TUSC3: variants seen among roughly 807,000 people sequenced by gnomAD.
TUSC3 encodes dolichyl-diphosphooligosaccharide--protein glycosyltransferase subunit TUSC3.
A neutral mutation model predicts 44.8 loss-of-function variants in TUSC3; 45 were observed. That is an observed-to-expected ratio of 1.00 (90% CI 0.79 to 1.29). The LOEUF (loss-of-function observed/expected upper bound fraction) is 1.29, where lower values mean the gene tolerates loss of function less well. Among genes scored for constraint, TUSC3 ranks in the 50% most tolerant of loss-of-function variants. TUSC3 has a pLI of 0.00. For synonymous variants in TUSC3, 212 were observed against 152.9 expected, an observed-to-expected ratio of 1.39 and a Z score of -2.85; for missense variants, 519 against 437.9, an observed-to-expected ratio of 1.19 and a Z score of -1.65.
chr8:15,508,007 C>T (rs1322651331), intron 2 of TUSC3, among the ~76,000 whole-genome samples: 1 of 152,052 alleles, frequency 6.6e-6, no homozygotes, highest in Non-Finnish European at 1.5e-5. Flanking sequence ...TTTGGGAGGC[C>T]GAAGTGGGTG....
At chr8:15,514,950 T>G (rs943591350) in intron 2 of TUSC3, among the ~76,000 whole-genome samples, 2 of 152,208 alleles carry the variant, frequency 1.3e-5, no homozygotes, top group South Asian at 2.1e-4. Flanking sequence ...TACTGTAGGT[T>G]CAATGCCTGA....
chr8:15,541,353 CA>C (rs1219769114), intron 1 of TUSC3, among the ~76,000 whole-genome samples: 1 of 152,112 alleles, frequency 6.6e-6, no homozygotes, highest in African/African-American at 2.4e-5. Flanking sequence ...GCTGCTTCAG[CA>C]AAAATAGTTA....
intron 2 of TUSC3, among the ~76,000 whole-genome samples, chr8:15,518,011 C>T (rs1011565933): frequency 6.6e-6 from 1 of 151,880 alleles, no homozygotes; most frequent in African/African-American, 2.4e-5. Context: ...CACATTCGCA[C>T]CTGTTCCTAC....
At chr8:15,728,739 G>A (rs1241876185) in intron 6 of TUSC3, among the ~76,000 whole-genome samples, 1 of 152,136 alleles carries the variant, frequency 6.6e-6, no homozygotes, top group East Asian at 1.9e-4. Flanking sequence ...GAAACTGGAT[G>A]ACAACACCTG....
chr8:15,726,316 G>T (rs1226985144), intron 6 of TUSC3, among the ~76,000 whole-genome samples: 2 of 151,778 alleles, frequency 1.3e-5, no homozygotes, highest in Non-Finnish European at 2.9e-5. Flanking sequence ...TTTCAAGTAT[G>T]TTACTTGAAA....
intron 1 of TUSC3, among the ~76,000 whole-genome samples, chr8:15,468,030 T>TA (rs1393179666): frequency 6.6e-6 from 1 of 152,194 alleles, no homozygotes; most frequent in African/African-American, 2.4e-5. Flanking sequence ...TATAAATAGG[T>TA]AAAATACTGA....
the TUSC3 span, among the ~76,000 whole-genome samples, chr8:15,784,498 ATGTG>A: frequency 1.5e-4 from 22 of 149,580 alleles, no homozygotes; most frequent in South Asian, 4.2e-4. Context: ...TGTTATGTGT[ATGTG>A]TGTGTGTGTG....
intron 6 of TUSC3, among the ~76,000 whole-genome samples, chr8:15,714,206 A>G (rs1809974743): frequency 6.6e-6 from 1 of 152,176 alleles, no homozygotes; most frequent in South Asian, 2.1e-4. Flanking sequence ...ATGAGGATAG[A>G]ATTTTGTAAC....
At chr8:15,699,702 G>T (rs777301180) in intron 6 of TUSC3, among the ~76,000 whole-genome samples, 3 of 152,146 alleles carry the variant, frequency 2.0e-5, no homozygotes, top group African/African-American at 7.2e-5. Flanking sequence ...AAAGCCATTG[G>T]AATACTTTGT....
chr8:15,671,976 A>T (rs1807967708), intron 5 of TUSC3, among the ~76,000 whole-genome samples: 1 of 152,032 alleles, frequency 6.6e-6, no homozygotes, highest in South Asian at 2.1e-4. Context: ...TCCAGTAAGT[A>T]ATTGTCAAAT....
Position 15,477,639 on chromosome 8 carries a change from G to A in TUSC3, n.92-5747G>A, listed in dbSNP as rs188886663. Among the ~76,000 whole-genome samples the A allele has an allele frequency of 2.4e-3, 372 of 152,114 alleles. 2 individuals are homozygous for A. The highest frequency in any genetic ancestry group is 4.9e-3 in the Admixed American group (75 of 15,278). ...TGGGAGGCTGAGGTAGGAGAATGGC[G>A]TGAACCAGGGAGGCAGAGCTTTCAG... On this transcript the variant is annotated intron_variant and non_coding_transcript_variant, in intron 1 of 5. Transcript: ENST00000503191.
chr8:15,768,506 G>A (rs562092613), downstream of TUSC3, among the ~76,000 whole-genome samples: 2 of 152,040 alleles, frequency 1.3e-5, no homozygotes, highest in African/African-American at 4.8e-5. Flanking sequence ...GCTAGACGAG[G>A]ACATTAATGT....
At chr8:15,835,105 T>A in the TUSC3 span, among the ~76,000 whole-genome samples, 1 of 152,242 alleles carries the variant, frequency 6.6e-6, no homozygotes, top group African/African-American at 2.4e-5. Flanking sequence ...TTCATGCTAC[T>A]CTTCAGTAAC....
At chr8:15,454,738 A>G (rs527433094) in intron 1 of TUSC3, among the ~76,000 whole-genome samples, 4 of 152,300 alleles carry the variant, frequency 2.6e-5, no homozygotes, top group African/African-American at 9.6e-5. Context: ...ACTGGACTGC[A>G]CAAGTCTTGC....
chr8:15,677,481 T>C (rs770839716), intron 6 of TUSC3, among the ~76,000 whole-genome samples: 40 of 152,210 alleles, frequency 2.6e-4, no homozygotes, highest in Non-Finnish European at 5.0e-4. Context: ...AGGGTTCTTT[T>C]CCAAACTCTG....
At chr8:15,518,595 C>G (rs1033275910) in intron 2 of TUSC3, among the ~76,000 whole-genome samples, 1 of 152,054 alleles carries the variant, frequency 6.6e-6, no homozygotes, top group Non-Finnish European at 1.5e-5. Context: ...TATTTATATC[C>G]TTTCCTTTTT....
intron 1 of TUSC3, among the ~76,000 whole-genome samples, chr8:15,589,273 C>T (rs918184662): frequency 6.6e-6 from 1 of 152,112 alleles, no homozygotes; most frequent in Admixed American, 6.5e-5. Flanking sequence ...TTTATCCAGT[C>T]TGTAACTTTT....
intron 1 of TUSC3, among the ~76,000 whole-genome samples, chr8:15,582,003 A>G (rs1261218944): frequency 1.3e-5 from 2 of 151,756 alleles, no homozygotes; most frequent in Non-Finnish European, 2.9e-5. Flanking sequence ...GTGGGATATA[A>G]TCTTGTGGTG....
downstream of TUSC3, among the ~76,000 whole-genome samples, chr8:15,767,937 C>T (rs999790523): frequency 6.6e-6 from 1 of 152,130 alleles, no homozygotes; most frequent in Non-Finnish European, 1.5e-5. Context: ...CTACATGTAA[C>T]AGGGACTCTA....
Sources: allele counts gnomAD v4.1 joint callset (sites outside exome capture counted in the v4.1 genomes callset), GRCh38; gene constraint gnomAD v4.1.1; transcripts MANE v1.5; gene names NCBI Gene and HGNC (gene_info 2026-07-23, HGNC 2026-07-21).